Variants in MTPN observed in about 807,000 individuals in gnomAD.
MTPN encodes the protein granule cell differentiation protein.
In MTPN, 2 loss-of-function variants were observed where a neutral mutation model predicts 13.5. The observed-to-expected ratio is 0.15, with a 90% CI of 0.06 to 0.47. MTPN has a LOEUF of 0.47. Among genes scored for constraint, MTPN ranks in the 20% least tolerant of loss-of-function variants. MTPN has a pLI of 0.97. For synonymous variants in MTPN, 46 were observed against 51.7 expected (o/e 0.89, Z 0.48); for missense variants, 79 against 137.9 (o/e 0.57, Z 2.14).
In MTPN at chr7:135,927,508, G is replaced by A; in HGVS notation, c.*2418C>T. On this transcript the variant is annotated 3_prime_UTR_variant, in exon 4 of 4. Transcript: ENST00000393085. ...AGATGTTAAGTATTACTTCAGTGGA[G>A]AACAAAACTTACTTAACCTTTCGCT... 1 of 1,190,378 alleles carries A rather than the reference G, an allele frequency of 8.4e-7. No homozygotes were observed. Among genetic ancestry groups the A allele is most frequent in the Non-Finnish European group, 1.2e-6 (1 of 841,548 alleles). 73.7% of individuals were successfully genotyped at this position (1,190,378 alleles called of 1,614,324 possible).
intron 1 of MTPN, among the ~76,000 whole-genome samples, chr7:135,954,548 A>G (rs1474693951): frequency 6.6e-6 from 1 of 152,188 alleles, no homozygotes; most frequent in Non-Finnish European, 1.5e-5. Context: ...GCTAGACAGG[A>G]TTAACTGGAC....
At chr7:135,973,162 T>A (rs1300166715) in intron 1 of MTPN, among the ~76,000 whole-genome samples, 1 of 150,298 alleles carries the variant, frequency 6.7e-6, no homozygotes, top group African/African-American at 2.4e-5. Flanking sequence ...TTCATGTTAT[T>A]GAGAGATCCC....
At chr7:135,950,895 C>A (rs996331823) in intron 2 of MTPN, among the ~76,000 whole-genome samples, 3 of 152,080 alleles carry the variant, frequency 2.0e-5, no homozygotes, top group Admixed American at 2.0e-4. Flanking sequence ...AGTAGTAGAG[C>A]ATAGGGAGCA....
chr7:135,946,898 C>A (rs1277226175), intron 3 of MTPN, among the ~76,000 whole-genome samples: 1 of 152,158 alleles, frequency 6.6e-6, no homozygotes, highest in East Asian at 1.9e-4. Context: ...ACACTCACAT[C>A]AGCTTCTTCA....
chr7:135,942,604 GACT>G (rs1799232229), intron 3 of MTPN, among the ~76,000 whole-genome samples: 1 of 152,116 alleles, frequency 6.6e-6, no homozygotes. Context: ...TATTTTATAA[GACT>G]ACTACGGTGA....
At chr7:135,964,425 C>A (rs1204758947) in intron 1 of MTPN, among the ~76,000 whole-genome samples, 8 of 152,066 alleles carry the variant, frequency 5.3e-5, no homozygotes, top group Admixed American at 4.6e-4. Context: ...CCAGCCTTCT[C>A]TTTCACTTCT....
chr7:135,940,060 A>G lies in MTPN; in HGVS notation c.271-10048T>C. Among the ~76,000 whole-genome samples the G allele has an allele frequency of 1.3e-5, 2 of 152,218 alleles. 1 individual carries two copies. Among genetic ancestry groups the G allele is most frequent in the East Asian group, 3.8e-4 (2 of 5,204 alleles). ...ACTGTCAATTATTTTGAATCAATTT[A>G]TATGCATTTTAGAACAGTCTTGAGA... is the stretch of plus-strand genomic sequence containing the variant. On this transcript the variant is annotated intron_variant, in intron 3 of 3. Transcript: ENST00000393085.
chr7:135,957,323 T>C (rs1799456771), intron 1 of MTPN, among the ~76,000 whole-genome samples: 1 of 152,042 alleles, frequency 6.6e-6, no homozygotes, highest in Non-Finnish European at 1.5e-5. Flanking sequence ...GGTTGACTTC[T>C]GGTGCTTCTA....
At position 135,929,317 on chromosome 7, in the gene MTPN, C is replaced by T. The variant is rs1798976918; in HGVS notation, c.*609G>A. 2 of 167,026 alleles carry T rather than the reference C, an allele frequency of 1.2e-5. No homozygotes were observed. The highest frequency in any genetic ancestry group is 6.5e-5 in the Admixed American group (1 of 15,282). 10.3% of individuals were successfully genotyped at this position (167,026 alleles called of 1,614,324 possible). On this transcript the variant is annotated 3_prime_UTR_variant, in exon 4 of 4. Coordinates refer to ENST00000393085, the MANE Select transcript of MTPN (RefSeq NM_145808.4). ...GGGGAGAGAAAATCCAAAGTTCAGT[C>T]ATCCAGCAATTTAGGAGTGTGCCCC...
chr7:135,970,978 A>G (rs1303427494), intron 1 of MTPN, among the ~76,000 whole-genome samples: 1 of 152,198 alleles, frequency 6.6e-6, no homozygotes, highest in African/African-American at 2.4e-5. Flanking sequence ...CCTAAAACCA[A>G]TAAATGCAAA....
chr7:135,966,621 A>G (rs990971892), intron 1 of MTPN, among the ~76,000 whole-genome samples: 2 of 152,032 alleles, frequency 1.3e-5, no homozygotes, highest in Admixed American at 1.3e-4. Context: ...CACAGAAGAG[A>G]TGCTACAAGT....
chr7:135,962,047 TTAA>T (rs781709686), intron 1 of MTPN, among the ~76,000 whole-genome samples: 79 of 152,174 alleles, frequency 5.2e-4, no homozygotes, highest in Non-Finnish European at 1.0e-3. Context: ...TGATTAATAA[TTAA>T]TGAGATTGTT....
rs964388060 is a variant in MTPN, at chr7:135,950,583, T to C, written c.270+16A>G. The C allele has an allele frequency of 4.4e-6, 7 of 1,581,054 alleles. No homozygotes were observed. Among genetic ancestry groups the C allele is most frequent in the Non-Finnish European group, 6.1e-6 (7 of 1,152,438 alleles). On this transcript the variant is annotated intron_variant, in intron 3 of 3. Transcript: ENST00000393085. ...ACAGTAATAGAAAAAGCAATACTATTAGCAATTGACCTCACCTTTGACAGA... is the reference window on the plus strand; with the variant it reads ...ACAGTAATAGAAAAAGCAATACTATCAGCAATTGACCTCACCTTTGACAGA...
At chr7:135,967,519 A>G (rs1799623862) in intron 1 of MTPN, among the ~76,000 whole-genome samples, 1 of 152,174 alleles carries the variant, frequency 6.6e-6, no homozygotes, top group Admixed American at 6.6e-5. Flanking sequence ...CTGAATTTAA[A>G]TTTCAATCTC....
intron 1 of MTPN, among the ~76,000 whole-genome samples, chr7:135,967,253 C>A (rs1392282117): frequency 6.6e-6 from 1 of 152,014 alleles, no homozygotes; most frequent in Non-Finnish European, 1.5e-5. Context: ...CACAACAGAA[C>A]ATAAACACAA....
At chr7:135,959,104 T>C (rs567823457) in intron 1 of MTPN, among the ~76,000 whole-genome samples, 3 of 152,320 alleles carry the variant, frequency 2.0e-5, no homozygotes, top group African/African-American at 7.2e-5. Flanking sequence ...TTAATCTTTT[T>C]CTATGAAAAT....
At chr7:135,958,346 T>C (rs115446655) in intron 1 of MTPN, among the ~76,000 whole-genome samples, 1 of 152,346 alleles carries the variant, frequency 6.6e-6, no homozygotes, top group African/African-American at 2.4e-5. Context: ...CAGTCACTTA[T>C]AACAGCTTTG....
intron 2 of MTPN, among the ~76,000 whole-genome samples, chr7:135,951,040 G>A (rs969191856): frequency 1.3e-5 from 2 of 152,160 alleles, no homozygotes; most frequent in African/African-American, 4.8e-5. Context: ...GTAAAACACA[G>A]CCAAAGAGGA....
chr7:135,938,265 T>A (rs905425050), intron 3 of MTPN, among the ~76,000 whole-genome samples: 1 of 152,200 alleles, frequency 6.6e-6, no homozygotes, highest in African/African-American at 2.4e-5. Flanking sequence ...CCTATCTACA[T>A]ATACACACAG....
Sources: allele counts gnomAD v4.1 joint callset (sites outside exome capture counted in the v4.1 genomes callset), GRCh38; gene constraint gnomAD v4.1.1; transcripts MANE v1.5; gene names NCBI Gene and HGNC (gene_info 2026-07-23, HGNC 2026-07-21).